GRID1: variants seen among roughly 807,000 people sequenced by gnomAD.
GRID1 encodes glutamate receptor ionotropic, delta-1.
GRID1 carries 28 observed loss-of-function variants against 98.0 expected under a neutral mutation model. The observed-to-expected ratio is 0.29, with a 90% CI of 0.21 to 0.39. GRID1 has a LOEUF of 0.39. Among genes scored for constraint, GRID1 ranks in the 10% least tolerant of loss-of-function variants. The pLI is 1.00. For missense variants in GRID1, 1,111 were observed against 1,340.5 expected, an observed-to-expected ratio of 0.83 and a Z score of 2.67; for synonymous variants, 553 against 538.5, an observed-to-expected ratio of 1.03 and a Z score of -0.37.
At chr10:85,927,659 A>G (rs938986692) in intron 4 of GRID1, among the ~76,000 whole-genome samples, 5 of 152,164 alleles carry the variant, frequency 3.3e-5, no homozygotes, top group African/African-American at 1.2e-4. Context: ...TTTCAAACGA[A>G]TCTCCCCAGA....
chr10:85,736,164 G>T (rs1411092276), intron 8 of GRID1, among the ~76,000 whole-genome samples: 1 of 144,178 alleles, frequency 6.9e-6, no homozygotes, highest in South Asian at 2.3e-4. Flanking sequence ...AGGGAGGGAG[G>T]GACACAGGAA....
chr10:86,173,568 C>CT lies in GRID1; in HGVS notation c.520+32795dup, dbSNP rs199916487. ...AAACTTTCCTCCTCAGTCTTCTTTT[C>CT]TTTTTTTTTATTTTATTTTATTATA... On this transcript the variant is annotated intron_variant, in intron 3 of 15. Coordinates refer to ENST00000327946, the MANE Select transcript of GRID1 (RefSeq NM_017551.3). Among the ~76,000 whole-genome samples the CT allele has an allele frequency of 8.5e-3, 723 of 85,058 alleles. 21 individuals carry two copies. The East Asian group carries it at 0.13, about 16-fold the overall frequency. 55.8% of individuals were successfully genotyped at this position (85,058 alleles called of 152,430 possible).
At chr10:85,979,204 C>T (rs1207146039) in intron 4 of GRID1, among the ~76,000 whole-genome samples, 1 of 152,150 alleles carries the variant, frequency 6.6e-6, no homozygotes, top group Non-Finnish European at 1.5e-5. Context: ...CCTCCCATGG[C>T]CTCCAGTGCC....
chr10:85,904,506 AG>A (rs1339144026), intron 5 of GRID1, among the ~76,000 whole-genome samples: 10 of 152,212 alleles, frequency 6.6e-5, no homozygotes, highest in African/African-American at 2.2e-4. Context: ...GCACAGAGAG[AG>A]AAAAATGTGG....
chr10:86,199,573 G>A (rs1444476888), intron 3 of GRID1, among the ~76,000 whole-genome samples: 1 of 152,116 alleles, frequency 6.6e-6, no homozygotes, highest in African/African-American at 2.4e-5. Flanking sequence ...TTACTTCTCT[G>A]AGTACAGAAC....
In GRID1 at chr10:85,861,621, C is replaced by A. The variant is rs76439780; in HGVS notation, c.952-5431G>T. ...AGTGTGGCCTGCTGCAGTCAAAGGC[C>A]AGACATTCACATAGCAAGGCTGGCT... On this transcript the variant is annotated intron_variant, in intron 6 of 15. Coordinates refer to ENST00000327946, the MANE Select transcript of GRID1 (RefSeq NM_017551.3). Among the ~76,000 whole-genome samples, 485 of 152,306 alleles carry A rather than the reference C, an allele frequency of 3.2e-3. 1 individual carries two copies. The highest frequency in any genetic ancestry group is 0.011 in the African/African-American group (450 of 41,564).
At chr10:85,848,172 C>CTTTATA (rs1480660833) in intron 8 of GRID1, among the ~76,000 whole-genome samples, 2 of 151,986 alleles carry the variant, frequency 1.3e-5, no homozygotes, top group African/African-American at 4.8e-5. Context: ...ACTTTATATA[C>CTTTATA]TACTCATGGA....
chr10:85,919,434 C>T lies in GRID1; in HGVS notation c.727-3195G>A, dbSNP rs147572252. On this transcript the variant is annotated intron_variant, in intron 4 of 15. Transcript: ENST00000327946. ...GCAGCCTTTTCCAGAGGGTGCCACTCGCACAGAGGCTGAGATAGATGGAGA... is the reference window on the plus strand; with the variant it reads ...GCAGCCTTTTCCAGAGGGTGCCACTTGCACAGAGGCTGAGATAGATGGAGA... 4.6e-5 allele frequency among the ~76,000 whole-genome samples: 7 copies of T among 152,144 alleles called. 1 individual carries two copies. Among genetic ancestry groups the T allele is most frequent in the East Asian group, 1.9e-4 (1 of 5,174 alleles).
intron 2 of GRID1, among the ~76,000 whole-genome samples, chr10:86,315,261 C>T (rs1466670764): frequency 6.6e-6 from 1 of 152,182 alleles, no homozygotes; most frequent in African/African-American, 2.4e-5. Flanking sequence ...AGCCTTTGTC[C>T]TCCAGCCCCC....
At chr10:86,159,209 A>G (rs767715065) in intron 3 of GRID1, among the ~76,000 whole-genome samples, 32 of 152,318 alleles carry the variant, frequency 2.1e-4, no homozygotes, top group Non-Finnish European at 4.3e-4. Context: ...GCTAAAAGAA[A>G]TATACTAAAT....
At chr10:85,763,392 T>C (rs1345809125) in intron 8 of GRID1, among the ~76,000 whole-genome samples, 2 of 152,178 alleles carry the variant, frequency 1.3e-5, no homozygotes, top group Non-Finnish European at 2.9e-5. Flanking sequence ...GTTCTTCCTC[T>C]CACCAAAGCC....
intron 2 of GRID1, among the ~76,000 whole-genome samples, chr10:86,261,696 A>G (rs1847017795): frequency 6.6e-6 from 1 of 152,126 alleles, no homozygotes; most frequent in South Asian, 2.1e-4. Flanking sequence ...CACCATCCCA[A>G]AGGCCAGATC....
chr10:85,608,306 T>C (rs1046828428), intron 15 of GRID1, among the ~76,000 whole-genome samples: 3 of 152,214 alleles, frequency 2.0e-5, no homozygotes, highest in African/African-American at 7.2e-5. Context: ...ATTATGGCAG[T>C]CCAGATCTCC....
At chr10:85,814,037 T>G (rs1256609765) in intron 8 of GRID1, among the ~76,000 whole-genome samples, 1 of 151,784 alleles carries the variant, frequency 6.6e-6, no homozygotes, top group Admixed American at 6.6e-5. Context: ...AGAAAAAGGA[T>G]ATGGAGACTG....
chr10:85,997,841 C>T (rs541962547), intron 4 of GRID1, among the ~76,000 whole-genome samples: 10 of 152,040 alleles, frequency 6.6e-5, no homozygotes, highest in African/African-American at 2.4e-4. Flanking sequence ...TTCAAATATA[C>T]TGATATAGGT....
chr10:86,102,773 C>A (rs1027847220), intron 4 of GRID1, among the ~76,000 whole-genome samples: 4 of 151,962 alleles, frequency 2.6e-5, no homozygotes, highest in Admixed American at 2.6e-4. Flanking sequence ...TATGGAAGGG[C>A]AGGTGATATG....
chr10:86,305,873 T>C (rs761316120), intron 2 of GRID1, among the ~76,000 whole-genome samples: 2 of 152,190 alleles, frequency 1.3e-5, no homozygotes, highest in Non-Finnish European at 2.9e-5. Flanking sequence ...CATTTTATAG[T>C]TGAGGAACTT....
intron 15 of GRID1, among the ~76,000 whole-genome samples, chr10:85,603,180 G>C (rs1477023936): frequency 1.3e-5 from 2 of 152,214 alleles, no homozygotes; most frequent in Non-Finnish European, 2.9e-5. Flanking sequence ...GCTCAGGAAG[G>C]TTCAATGATT....
chr10:85,755,277 C>A (rs1842085911), intron 8 of GRID1, among the ~76,000 whole-genome samples: 1 of 152,216 alleles, frequency 6.6e-6, no homozygotes, highest in African/African-American at 2.4e-5. Flanking sequence ...TCTAACAGTT[C>A]AATGAGCTAA....
Sources: gnomAD v4.1 joint callset for allele counts (sites outside exome capture counted in the v4.1 genomes callset) on GRCh38, gnomAD v4.1.1 for gene constraint, MANE v1.5 for transcripts, NCBI Gene and HGNC (gene_info 2026-07-23, HGNC 2026-07-21) for gene names.